Variants in ARHGAP21 observed in about 807,000 individuals in gnomAD.
The protein encoded by ARHGAP21 is rho GTPase-activating protein 21.
A neutral mutation model predicts 164.6 loss-of-function variants in ARHGAP21; 38 were observed. That is an observed-to-expected ratio of 0.23 (90% CI 0.18 to 0.30). The LOEUF (loss-of-function observed/expected upper bound fraction) is 0.30. Among genes scored for constraint, ARHGAP21 ranks in the 10% least tolerant of loss-of-function variants. The pLI, the probability that ARHGAP21 is intolerant of heterozygous loss-of-function variation, is 1.00. For missense variants in ARHGAP21, 1,822 were observed against 2,370.7 expected (o/e 0.77, Z 4.81); for synonymous variants, 766 against 857.9 (o/e 0.89, Z 1.87).
chr10:24,652,504 C>G (rs1039085955), intron 4 of ARHGAP21, among the ~76,000 whole-genome samples: 1 of 152,094 alleles, frequency 6.6e-6, no homozygotes, highest in Admixed American at 6.6e-5. Flanking sequence ...AAATTAGAAA[C>G]TTCCCTTTAT....
At chr10:24,683,207 G>C (rs1056932228) in intron 2 of ARHGAP21, among the ~76,000 whole-genome samples, 1 of 151,662 alleles carries the variant, frequency 6.6e-6, no homozygotes, top group Non-Finnish European at 1.5e-5. Context: ...TAAACATTTG[G>C]GCTTAATTTT....
At chr10:24,651,154 T>TGGG (rs1838125065) in intron 4 of ARHGAP21, among the ~76,000 whole-genome samples, 1 of 152,200 alleles carries the variant, frequency 6.6e-6, no homozygotes, top group African/African-American at 2.4e-5. Flanking sequence ...AGGGGAAGAC[T>TGGG]GTGACTGACA....
At chr10:24,630,525 A>G (rs1249989590) in intron 6 of ARHGAP21, among the ~76,000 whole-genome samples, 2 of 152,074 alleles carry the variant, frequency 1.3e-5, no homozygotes, top group Non-Finnish European at 1.5e-5. Flanking sequence ...TGAGTCTCAC[A>G]CTGTCACCCC....
At chr10:24,654,403 T>C (rs968239138) in intron 4 of ARHGAP21, among the ~76,000 whole-genome samples, 1 of 152,204 alleles carries the variant, frequency 6.6e-6, no homozygotes, top group African/African-American at 2.4e-5. Context: ...AAAATATCCT[T>C]AGGCTGATAA....
intron 6 of ARHGAP21, among the ~76,000 whole-genome samples, chr10:24,632,929 A>G (rs1835981160): frequency 6.6e-6 from 1 of 152,142 alleles, no homozygotes; most frequent in Non-Finnish European, 1.5e-5. Context: ...TCAAAATCCT[A>G]CTATTCTGTA....
At chr10:24,695,219 C>T (rs912415163) in intron 2 of ARHGAP21, among the ~76,000 whole-genome samples, 9 of 152,056 alleles carry the variant, frequency 5.9e-5, no homozygotes, top group Non-Finnish European at 7.4e-5. Context: ...TGCTATGTGT[C>T]ATCCCCTACC....
At position 24,620,015 on chromosome 10, in the gene ARHGAP21, T is replaced by C. The variant is rs1371103500; in HGVS notation, c.1880A>G (p.Lys627Arg). The C allele has an allele frequency of 6.2e-7, 1 of 1,613,938 alleles. No homozygotes were observed. Among genetic ancestry groups the C allele is most frequent in the Admixed American group, 1.7e-5 (1 of 60,000 alleles). ...TTTTGTGACATGCGTGGAAGGAGCT[T>C]TCAGAGAATTACTTCGGACTTTCAC... ...PLVKVRSNSL[K>R]APSTHVTKPS... Residue 627 changes from lysine (K) to arginine (R), a missense_variant, in exon 9 of 26, where the codon AAA (lysine) becomes AGA (arginine). By Grantham distance (26) the Lys-to-Arg change is conservative. This residue lies in a region of ARHGAP21 where 1,090 missense variants were observed against 1,378.9 expected (regional missense o/e 0.79). Transcript: ENST00000396432.
At chr10:24,680,253 G>A (rs537838049) in intron 2 of ARHGAP21, among the ~76,000 whole-genome samples, 20 of 151,966 alleles carry the variant, frequency 1.3e-4, no homozygotes, top group South Asian at 2.1e-4. Flanking sequence ...ATTCTTCCCC[G>A]TAACAGCTTT....
At chr10:24,597,313 C>T in intron 16 of ARHGAP21, 134 bp downstream of exon 16, 1 of 1,210,996 alleles carries the variant, frequency 8.3e-7, no homozygotes, top group Non-Finnish European at 1.1e-6. Context: ...TGAGCCCAGA[C>T]CAAGCCTACT....
intron 2 of ARHGAP21, among the ~76,000 whole-genome samples, chr10:24,703,862 C>T (rs963153736): frequency 6.6e-6 from 1 of 152,150 alleles, no homozygotes; most frequent in African/African-American, 2.4e-5. Flanking sequence ...AAGTGCTGTC[C>T]TAAGTATTCC....
chr10:24,593,282 G>A (rs2076417815), intron 21 of ARHGAP21, among the ~76,000 whole-genome samples: 1 of 152,150 alleles, frequency 6.6e-6, no homozygotes, highest in South Asian at 2.1e-4. Context: ...TGTGGGAAAG[G>A]TGTACTTAAA....
chr10:24,710,137 C>T (rs1844638766), intron 2 of ARHGAP21, among the ~76,000 whole-genome samples: 1 of 152,032 alleles, frequency 6.6e-6, no homozygotes, highest in African/African-American at 2.4e-5. Flanking sequence ...TATATTTTTC[C>T]CTTCCTGGTC....
Position 24,709,104 on chromosome 10 carries a change from C to T in ARHGAP21, c.63+12733G>A, listed in dbSNP as rs112387122. On this transcript the variant is annotated intron_variant, in intron 2 of 25. Transcript: ENST00000396432. ...ACAACTGATACCACAGAAATACAAA[C>T]GATCATCAAAAACTATTATGAACAG... Among the ~76,000 whole-genome samples, 550 of 152,162 alleles carry T rather than the reference C, an allele frequency of 3.6e-3. 4 individuals carry two copies. Among genetic ancestry groups the T allele is most frequent in the African/African-American group, 0.013 (523 of 41,518 alleles).
chr10:24,594,031 CTG>C (rs1390192670), intron 21 of ARHGAP21, among the ~76,000 whole-genome samples: 1 of 152,144 alleles, frequency 6.6e-6, no homozygotes, highest in Non-Finnish European at 1.5e-5. Flanking sequence ...AGTCACTAAA[CTG>C]ATCTATCTTT....
intron 3 of ARHGAP21, 103 bp from the exon 4 acceptor site, chr10:24,667,112 G>T: frequency 1.7e-6 from 1 of 579,580 alleles, no homozygotes; most frequent in Non-Finnish European, 2.9e-6. Flanking sequence ...CCCAGATTGT[G>T]CCAATTACAA....
intron 4 of ARHGAP21, among the ~76,000 whole-genome samples, chr10:24,659,408 C>A (rs376732744): frequency 2.0e-5 from 3 of 152,122 alleles, no homozygotes; most frequent in Non-Finnish European, 4.4e-5. Flanking sequence ...CTCCGCCTCC[C>A]GGGTTCAAGC....
chr10:24,592,117 G>C lies in ARHGAP21; in HGVS notation c.3877-105C>G, dbSNP rs2076354766. The C allele has an allele frequency of 6.2e-6, 6 of 971,488 alleles. No individual in the cohort carries two copies. In the South Asian group the frequency reaches 1.7e-4, roughly 28 times the overall value. 60.2% of individuals were successfully genotyped at this position (971,488 alleles called of 1,614,324 possible). A position where few individuals can be genotyped will look rare whatever the true frequency, so the allele number is the denominator to read the frequency against. ...ATGAAAAAGAATAAACAGAAAAATA[G>C]CTTTGATGTAGATTAAAAAAATAAT... is the stretch of plus-strand genomic sequence containing the variant. On this transcript the variant is annotated intron_variant, in intron 21 of 25. Coordinates refer to ENST00000396432, the MANE Select transcript of ARHGAP21 (RefSeq NM_020824.4).
intron 4 of ARHGAP21, among the ~76,000 whole-genome samples, chr10:24,637,705 A>G (rs1039019843): frequency 6.6e-6 from 1 of 152,228 alleles, no homozygotes; most frequent in Non-Finnish European, 1.5e-5. Context: ...ACTAATTTTG[A>G]AATGACTACC....
chr10:24,687,569 A>AT (rs1320898707), intron 2 of ARHGAP21, among the ~76,000 whole-genome samples: 21 of 152,312 alleles, frequency 1.4e-4, no homozygotes, highest in Non-Finnish European at 2.4e-4. Flanking sequence ...ATTTTTACAC[A>AT]TTTTCTTGTA....
Sources: gnomAD v4.1 joint callset for allele counts (sites outside exome capture counted in the v4.1 genomes callset) on GRCh38, gnomAD v4.1.1 for gene constraint, gnomAD v4.1.1 regional missense constraint, MANE v1.5 for transcripts, NCBI Gene and HGNC (gene_info 2026-07-23, HGNC 2026-07-21) for gene names.